The following CTNNA1 variants were observed in gnomAD, a reference collection of about 807,000 sequenced individuals.
CTNNA1 encodes the protein catenin alpha 1.
CTNNA1 carries 37 observed loss-of-function variants against 98.4 expected under a neutral mutation model. The observed-to-expected ratio is 0.38, with a 90% confidence interval of 0.29 to 0.49. The LOEUF (loss-of-function observed/expected upper bound fraction) is 0.49, where lower values mean the gene tolerates loss of function less well. CTNNA1 is among the 20% of genes least tolerant of loss of function. CTNNA1 has a pLI of 0.95. For missense variants in CTNNA1, 761 were observed against 1,147.2 expected (o/e 0.66, Z 4.86); for synonymous variants, 404 against 413.2 (o/e 0.98, Z 0.27).
chr5:138,823,773 C>T lies in CTNNA1; in HGVS notation c.589-757C>T, dbSNP rs28363400. ...GAGATCGAGGCCATCCCGGCTAAAACGGTGAAACCCCGTCTCTACTAAAAA... is the reference window on the plus strand; with the variant it reads ...GAGATCGAGGCCATCCCGGCTAAAATGGTGAAACCCCGTCTCTACTAAAAA... On this transcript the variant is annotated intron_variant, in intron 5 of 17. Transcript: ENST00000302763. 3.7e-4 allele frequency among the ~76,000 whole-genome samples: 56 copies of T among 151,412 alleles called. No homozygotes were observed. The East Asian group carries it at 8.9e-3, about 24-fold the overall frequency.
At chr5:138,922,896 C>A (rs372111263) in intron 11 of CTNNA1, among the ~76,000 whole-genome samples, 1 of 150,248 alleles carries the variant, frequency 6.7e-6, no homozygotes, top group Non-Finnish European at 1.5e-5. Context: ...ATCTAGAAGG[C>A]GGCCAGGATG....
At chr5:138,760,526 C>T (rs978635510) in intron 1 of CTNNA1, among the ~76,000 whole-genome samples, 2 of 150,882 alleles carry the variant, frequency 1.3e-5, no homozygotes, top group African/African-American at 4.9e-5. Context: ...CACTACCACC[C>T]GGCTAATTTC....
In CTNNA1 at chr5:138,933,013, A is replaced by C. The variant is rs568229422; in HGVS notation, c.2433+301A>C. The stretch of plus-strand genomic sequence containing the variant: ...CCGGGCGTGGTGGCAGGTACCTGTA[A>C]GTCCCAGCTACTTGGGAGGCTGAGA... On this transcript the variant is annotated intron_variant, in intron 17 of 17. Coordinates refer to ENST00000302763, the MANE Select transcript of CTNNA1 (RefSeq NM_001903.5). 9.7e-4 allele frequency: 739 copies of C among 764,372 alleles called. 3 individuals are homozygous for C. The highest frequency in any genetic ancestry group is 1.5e-3 in the Admixed American group (86 of 58,944). 47.3% of individuals were successfully genotyped at this position (764,372 alleles called of 1,614,324 possible). A position where few individuals can be genotyped will look rare whatever the true frequency, so the allele number is the denominator to read the frequency against.
At chr5:138,886,361 T>C in intron 8 of CTNNA1, 69 bp downstream of exon 8, 10 of 1,470,706 alleles carry the variant, frequency 6.8e-6, no homozygotes, top group Non-Finnish European at 9.2e-6. Context: ...AAAATCCTAA[T>C]AAGCACTGGC....
chr5:138,922,704 C>A (rs1763169492), intron 11 of CTNNA1, among the ~76,000 whole-genome samples: 1 of 152,156 alleles, frequency 6.6e-6, no homozygotes, highest in South Asian at 2.1e-4. Context: ...CACCTCCCCC[C>A]ATCAGGTTCA....
chr5:138,781,617 G>A (rs1485557890), intron 1 of CTNNA1, among the ~76,000 whole-genome samples: 3 of 152,062 alleles, frequency 2.0e-5, no homozygotes, highest in African/African-American at 4.8e-5. Context: ...GTTTCTAAAG[G>A]TGGGGCAGAT....
chr5:138,760,455 C>G (rs1441407935), intron 1 of CTNNA1, among the ~76,000 whole-genome samples: 1 of 66,522 alleles, frequency 1.5e-5, no homozygotes, highest in Non-Finnish European at 2.9e-5. Flanking sequence ...CCTCTGCCTC[C>G]CAAGCTCAAA....
Position 138,917,663 on chromosome 5 carries a change from T to A in CTNNA1, c.1390-79T>A. ...AGTTAGGATAGAGCATGTGGTGTGA[T>A]GTCTCCTAGTGAAATGCATGTAAGA... On this transcript the variant is annotated intron_variant, in intron 10 of 17. Coordinates refer to ENST00000302763, the MANE Select transcript of CTNNA1 (RefSeq NM_001903.5). The A allele has an allele frequency of 4.9e-6, 7 of 1,424,024 alleles. No individual in the cohort carries two copies. The South Asian group carries it at 9.0e-5, about 18-fold the overall frequency. The allele number at this position is 1,424,024 out of a possible 1,614,324, so 88.2% of individuals were successfully genotyped here. A position where few individuals can be genotyped will look rare whatever the true frequency, so the allele number is the denominator to read the frequency against.
chr5:138,809,021 A>C (rs1056066946), intron 3 of CTNNA1, among the ~76,000 whole-genome samples: 1 of 152,204 alleles, frequency 6.6e-6, no homozygotes, highest in South Asian at 2.1e-4. Context: ...GTCTTGTTCT[A>C]TCACCCACGC....
At chr5:138,776,970 C>T (rs1253154532) in intron 1 of CTNNA1, among the ~76,000 whole-genome samples, 12 of 146,790 alleles carry the variant, frequency 8.2e-5, no homozygotes, top group South Asian at 4.3e-4. Flanking sequence ...ACCTCCCTCC[C>T]GGACGGGGCG....
At chr5:138,783,463 C>T in intron 3 of CTNNA1, 91 bp downstream of exon 3, 2 of 1,074,878 alleles carry the variant, frequency 1.9e-6, no homozygotes, top group Non-Finnish European at 2.7e-6. Context: ...TATTCTCATT[C>T]TTATGCTTGC....
chr5:138,769,127 A>G (rs1753249753), intron 1 of CTNNA1, among the ~76,000 whole-genome samples: 1 of 151,856 alleles, frequency 6.6e-6, no homozygotes, highest in South Asian at 2.1e-4. Flanking sequence ...TCTTGGGCTC[A>G]AGTGATCCTC....
chr5:138,896,824 T>C (rs1182577562), intron 9 of CTNNA1, among the ~76,000 whole-genome samples: 1 of 152,190 alleles, frequency 6.6e-6, no homozygotes, highest in African/African-American at 2.4e-5. Flanking sequence ...TGTACTGAGG[T>C]GAAGAATTTA....
chr5:138,917,629 C>G (rs940389057), intron 10 of CTNNA1, 113 bp from the exon 11 acceptor site: 1 of 1,051,448 alleles, frequency 9.5e-7, no homozygotes, highest in East Asian at 2.4e-5. Context: ...TCCCCTTCAT[C>G]TTTGTGATAG....
At chr5:138,848,519 A>G (rs1339348732) in intron 7 of CTNNA1, among the ~76,000 whole-genome samples, 6 of 151,974 alleles carry the variant, frequency 3.9e-5, no homozygotes, top group Admixed American at 3.9e-4. Context: ...CTTCTTTTAC[A>G]GTCATGGTCA....
At chr5:138,875,728 G>C (rs917786304) in intron 7 of CTNNA1, 7 of 985,380 alleles carry the variant, frequency 7.1e-6, no homozygotes, top group Non-Finnish European at 8.4e-6. Context: ...TTTAACACCA[G>C]CCTATGCAAG....
At chr5:138,825,319 G>A (rs1379240656) in intron 6 of CTNNA1, among the ~76,000 whole-genome samples, 4 of 152,054 alleles carry the variant, frequency 2.6e-5, no homozygotes, top group Non-Finnish European at 5.9e-5. Flanking sequence ...GCAAATTTGG[G>A]ATTAAAATAC....
Position 138,851,118 on chromosome 5 carries a change from A to G in CTNNA1, c.1062+23400A>G, listed in dbSNP as rs869312572. Among the ~76,000 whole-genome samples the G allele has an allele frequency of 1.3e-5, 2 of 152,316 alleles. No individual in the cohort carries two copies. Among genetic ancestry groups the G allele is most frequent in the Non-Finnish European group, 2.9e-5 (2 of 68,028 alleles). On this transcript the variant is annotated intron_variant, in intron 7 of 17. Transcript: ENST00000302763. ...ATGTCACCCATGATATATTCCTGGGAAGTTGAGGTTCAGGATAATTCCACA... is the reference window on the plus strand; with the variant it reads ...ATGTCACCCATGATATATTCCTGGGGAGTTGAGGTTCAGGATAATTCCACA...
intron 7 of CTNNA1, among the ~76,000 whole-genome samples, chr5:138,860,655 C>A (rs1319156856): frequency 1.3e-5 from 2 of 152,210 alleles, no homozygotes; most frequent in East Asian, 1.9e-4. Context: ...GCCACCATGC[C>A]CAGCTAGTTT....
Sources: gnomAD v4.1 joint callset for allele counts (sites outside exome capture counted in the v4.1 genomes callset) on GRCh38, gnomAD v4.1.1 for gene constraint, MANE v1.5 for transcripts, NCBI Gene and HGNC (gene_info 2026-07-23, HGNC 2026-07-21) for gene names.